The following ENTHD1 variants were observed in gnomAD, a reference collection of about 807,000 sequenced individuals.
The protein encoded by ENTHD1 is ENTH domain-containing protein 1.
In ENTHD1, 23 loss-of-function variants were observed where a neutral mutation model predicts 39.1. That is an observed-to-expected ratio of 0.59 (90% CI 0.42 to 0.83). The LOEUF is 0.83. ENTHD1 is among the 40% of genes least tolerant of loss of function. The pLI is 0.00. For synonymous variants in ENTHD1, 230 were observed against 258.2 expected, an observed-to-expected ratio of 0.89 and a Z score of 1.05; for missense variants, 624 against 705.4, an observed-to-expected ratio of 0.88 and a Z score of 1.31.
At chr22:39,783,120 T>C (rs1377925562) in intron 5 of ENTHD1, among the ~76,000 whole-genome samples, 1 of 152,152 alleles carries the variant, frequency 6.6e-6, no homozygotes, top group Non-Finnish European at 1.5e-5. Flanking sequence ...CAGTAGCACT[T>C]ATATATGCTA....
chr22:39,889,670 A>G lies in ENTHD1; in HGVS notation c.-155-1767T>C, dbSNP rs573618254. On this transcript the variant is annotated intron_variant, in intron 1 of 6. Transcript: ENST00000325157. Reference sequence around the variant, plus strand: ...TAGCTCAGCCTTGATTAATTTCTGTATGTGTATTAAAGGAAGACATAAATT... The same window carrying G: ...TAGCTCAGCCTTGATTAATTTCTGTGTGTGTATTAAAGGAAGACATAAATT... 4.6e-4 allele frequency among the ~76,000 whole-genome samples: 70 copies of G among 152,306 alleles called. 2 individuals are homozygous for G. The South Asian group carries it at 0.014, about 31-fold the overall frequency.
At chr22:39,783,744 C>T (rs538378489) in intron 5 of ENTHD1, among the ~76,000 whole-genome samples, 1 of 151,996 alleles carries the variant, frequency 6.6e-6, no homozygotes, top group African/African-American at 2.4e-5. Context: ...ACACAAAAAC[C>T]AAATGAAAAT....
At chr22:39,786,876 A>T (rs1018122222) in intron 5 of ENTHD1, among the ~76,000 whole-genome samples, 8 of 152,306 alleles carry the variant, frequency 5.3e-5, no homozygotes, top group African/African-American at 1.7e-4. Context: ...GGATTTTTTT[A>T]AAAAGACTGA....
At chr22:39,858,080 T>C (rs1337549246) in intron 3 of ENTHD1, among the ~76,000 whole-genome samples, 1 of 152,244 alleles carries the variant, frequency 6.6e-6, no homozygotes, top group Non-Finnish European at 1.5e-5. Context: ...TGCTGTTTGA[T>C]AGCATTTTAC....
chr22:39,751,587 T>G (rs2065147692), intron 6 of ENTHD1, among the ~76,000 whole-genome samples: 1 of 152,230 alleles, frequency 6.6e-6, no homozygotes, highest in African/African-American at 2.4e-5. Context: ...CAATTATGAC[T>G]TCCTGAGAAG....
intron 6 of ENTHD1, among the ~76,000 whole-genome samples, chr22:39,761,870 T>G (rs754765405): frequency 1.3e-5 from 2 of 152,168 alleles, no homozygotes; most frequent in Non-Finnish European, 2.9e-5. Flanking sequence ...AATAGCTGCT[T>G]TTAGAATTTG....
intron 5 of ENTHD1, among the ~76,000 whole-genome samples, chr22:39,811,797 G>C (rs1242548904): frequency 2.6e-5 from 4 of 151,998 alleles, no homozygotes; most frequent in African/African-American, 4.8e-5. Flanking sequence ...GGCTAACACA[G>C]TGCAACCCCG....
intron 6 of ENTHD1, among the ~76,000 whole-genome samples, chr22:39,745,748 C>T (rs2065099648): frequency 6.6e-6 from 1 of 152,160 alleles, no homozygotes; most frequent in Non-Finnish European, 1.5e-5. Flanking sequence ...TTTTGAGAAC[C>T]TGCATGTCTG....
At chr22:39,762,826 T>C (rs2065246590) in intron 6 of ENTHD1, among the ~76,000 whole-genome samples, 1 of 152,190 alleles carries the variant, frequency 6.6e-6, no homozygotes, top group Non-Finnish European at 1.5e-5. Context: ...ATCATATTAA[T>C]ATTAATCATA....
chr22:39,826,608 C>T (rs926897635), intron 4 of ENTHD1, among the ~76,000 whole-genome samples: 1 of 152,086 alleles, frequency 6.6e-6, no homozygotes, highest in Non-Finnish European at 1.5e-5. Context: ...CGCTCACCAC[C>T]GCTTTAGCTG....
chr22:39,861,849 C>G lies in ENTHD1; in HGVS notation c.508G>C (p.Ala170Pro), dbSNP rs770907654. 6.9e-6 allele frequency: 11 copies of G among 1,605,120 alleles called. No homozygotes were observed. Among genetic ancestry groups the G allele is most frequent in the Non-Finnish European group, 8.5e-7 (1 of 1,174,020 alleles). Residue 170 changes from alanine (A) to proline (P), a missense_variant, in exon 3 of 7, where the codon GCG becomes CCG. By Grantham distance (27) the Ala-to-Pro change is conservative (BLOSUM62 -1). Coordinates refer to ENST00000325157, the MANE Select transcript of ENTHD1 (RefSeq NM_152512.4). ...TCCGGTGTGGGGGCAGAAGTGCACG[C>G]TGTCAGTGAGTTACTTGAACCAAGT... ...RQLGSSNSLTACTSAPTPDIS... is the reference protein window; with the variant it reads ...RQLGSSNSLTPCTSAPTPDIS...
chr22:39,881,739 A>G (rs2066340623), intron 2 of ENTHD1, among the ~76,000 whole-genome samples: 1 of 152,202 alleles, frequency 6.6e-6, no homozygotes, highest in African/African-American at 2.4e-5. Flanking sequence ...TGGCCAGGGC[A>G]TATCAGTACA....
chr22:39,853,492 C>T (rs2066060814), intron 3 of ENTHD1, among the ~76,000 whole-genome samples: 1 of 152,134 alleles, frequency 6.6e-6, no homozygotes, highest in African/African-American at 2.4e-5. Flanking sequence ...AATCGTGCCA[C>T]TGCACTCTAG....
At chr22:39,837,554 GGTCT>G in intron 3 of ENTHD1, among the ~76,000 whole-genome samples, 1 of 152,252 alleles carries the variant, frequency 6.6e-6, no homozygotes, top group East Asian at 1.9e-4. Flanking sequence ...AAAAACTAAT[GGTCT>G]GTCTGTCCAG....
intron 5 of ENTHD1, among the ~76,000 whole-genome samples, chr22:39,765,878 T>G (rs1188401039): frequency 6.6e-6 from 1 of 151,950 alleles, no homozygotes; most frequent in Non-Finnish European, 1.5e-5. Flanking sequence ...AACTTGTCTT[T>G]AAATATTTCT....
chr22:39,773,566 GT>G (rs2065344137), intron 5 of ENTHD1, among the ~76,000 whole-genome samples: 1 of 152,206 alleles, frequency 6.6e-6, no homozygotes, highest in Non-Finnish European at 1.5e-5. Flanking sequence ...TTTTAAGCAT[GT>G]ACAGTTTATT....
chr22:39,873,889 A>G (rs1431127911), intron 2 of ENTHD1, among the ~76,000 whole-genome samples: 3 of 152,236 alleles, frequency 2.0e-5, no homozygotes, highest in Admixed American at 6.5e-5. Context: ...GGCATTAACC[A>G]TATGTATTAG....
rs535940008 is a variant in ENTHD1, at chr22:39,852,692, T to C, written c.592+9073A>G. On this transcript the variant is annotated intron_variant, in intron 3 of 6. Coordinates refer to ENST00000325157, the MANE Select transcript of ENTHD1 (RefSeq NM_152512.4). The stretch of plus-strand genomic sequence containing the variant: ...GTAGGCAATTGTAACACAAGGACAA[T>C]TGTAACACAATGGTAAGAATTTGTG... Among the ~76,000 whole-genome samples the C allele has an allele frequency of 6.6e-5, 10 of 152,272 alleles. No homozygotes were observed. The East Asian group carries it at 1.5e-3, about 24-fold the overall frequency.
intron 5 of ENTHD1, among the ~76,000 whole-genome samples, chr22:39,772,812 A>G (rs1440194058): frequency 1.3e-5 from 2 of 152,190 alleles, no homozygotes; most frequent in Non-Finnish European, 2.9e-5. Context: ...CGATAAGTAT[A>G]AGAAAGCTGA....
Sources: allele counts gnomAD v4.1 joint callset (sites outside exome capture counted in the v4.1 genomes callset), GRCh38; gene constraint gnomAD v4.1.1; transcripts MANE v1.5; gene names NCBI Gene and HGNC (gene_info 2026-07-23, HGNC 2026-07-21).